Variants in DIAPH2 observed in about 807,000 individuals in gnomAD.
The protein encoded by DIAPH2 is protein diaphanous homolog 2.
A neutral mutation model predicts 92.7 loss-of-function variants in DIAPH2; 35 were observed. The ratio of observed to expected loss-of-function variants is 0.38; its 90% confidence interval spans 0.29 to 0.50. DIAPH2 has a LOEUF of 0.50. Ranked by LOEUF, DIAPH2 falls within the 20% of genes least tolerant of loss-of-function variation. The probability of loss-of-function intolerance (pLI) is 0.94; values close to 1 mark genes in which losing one functional copy is unlikely to be tolerated. For synonymous variants in DIAPH2, 301 were observed against 280.4 expected, an observed-to-expected ratio of 1.07 and a Z score of -0.73; for missense variants, 701 against 819.5, an observed-to-expected ratio of 0.86 and a Z score of 1.77.
At chrX:97,076,358 C>T (rs1313618955) in intron 19 of DIAPH2, among the ~76,000 whole-genome samples, 1 of 110,614 alleles carries the variant, frequency 9.0e-6, no homozygotes, top group East Asian at 2.9e-4. Context: ...GGTGAAACCC[C>T]GTCTCTACTC....
At chrX:97,358,160 C>A (rs1263485814) in intron 24 of DIAPH2, among the ~76,000 whole-genome samples, 1 of 112,068 alleles carries the variant, frequency 8.9e-6, no homozygotes, top group Non-Finnish European at 1.9e-5. Flanking sequence ...CTTCTTATGA[C>A]TGACAGTTGT....
chrX:96,873,679 CAT>C (rs1205098935), intron 4 of DIAPH2, among the ~76,000 whole-genome samples: 43 of 95,426 alleles, frequency 4.5e-4, no homozygotes, highest in African/African-American at 1.2e-3. Flanking sequence ...CACACACACA[CAT>C]ATAAAAATAT....
At chrX:96,972,026 A>G (rs1306485600) in intron 17 of DIAPH2, among the ~76,000 whole-genome samples, 3 of 111,728 alleles carry the variant, frequency 2.7e-5, no homozygotes, top group Non-Finnish European at 5.6e-5. Flanking sequence ...GTCTGCTTTC[A>G]TGAAACTTAA....
intron 17 of DIAPH2, among the ~76,000 whole-genome samples, chrX:96,968,372 C>T (rs2065906951): frequency 9.1e-6 from 1 of 110,325 alleles, no homozygotes; most frequent in Non-Finnish European, 1.9e-5. Flanking sequence ...GTGCCCGCCA[C>T]CATGCCCAGC....
chrX:96,768,603 A>C (rs1022582522), intron 4 of DIAPH2, among the ~76,000 whole-genome samples: 1 of 111,863 alleles, frequency 8.9e-6, no homozygotes, highest in Non-Finnish European at 1.9e-5. Context: ...GTGGTATTTT[A>C]GATAGGCGAG....
chrX:97,321,795 C>T (rs981453421), intron 23 of DIAPH2, among the ~76,000 whole-genome samples: 17 of 110,567 alleles, frequency 1.5e-4, no homozygotes, highest in African/African-American at 3.6e-4. Context: ...ATGATCCGCC[C>T]GCCTCGGCCT....
intron 22 of DIAPH2, among the ~76,000 whole-genome samples, chrX:97,207,514 T>G: frequency 9.0e-6 from 1 of 111,682 alleles, no homozygotes; most frequent in East Asian, 2.8e-4. Context: ...ATTTAATCTT[T>G]ACCAGAACCT....
intron 1 of DIAPH2, among the ~76,000 whole-genome samples, chrX:96,708,540 C>T (rs1476028926): frequency 3.6e-5 from 4 of 111,554 alleles, no homozygotes; most frequent in Non-Finnish European, 5.7e-5. Flanking sequence ...GTGCCCGTCC[C>T]CCACCCCCTG....
In DIAPH2 at chrX:96,989,198, C is replaced by G. The variant is rs921485135; in HGVS notation, c.2050+23991C>G. 2.7e-5 allele frequency among the ~76,000 whole-genome samples: 3 copies of G among 111,772 alleles called. No individual in the cohort carries two copies. In the Admixed American group the frequency reaches 2.9e-4, roughly 11 times the overall value. On this transcript the variant is annotated intron_variant, in intron 17 of 26. Coordinates refer to ENST00000324765, the MANE Select transcript of DIAPH2 (RefSeq NM_006729.5). ...TTAGCATTTATTAATTATTGACAAA[C>G]TGCCAAAATGGATCATACATATGTT...
At chrX:96,896,353 T>C (rs1286250425) in intron 5 of DIAPH2, among the ~76,000 whole-genome samples, 1 of 111,855 alleles carries the variant, frequency 8.9e-6, no homozygotes, top group East Asian at 2.8e-4. Context: ...ATTAATGATT[T>C]TTATGTTGTT....
chrX:97,332,595 TAAGTG>T (rs2069011166), intron 23 of DIAPH2, among the ~76,000 whole-genome samples: 1 of 111,387 alleles, frequency 9.0e-6, no homozygotes, highest in East Asian at 2.8e-4. Context: ...CATTTGAAAA[TAAGTG>T]TAGGAAAAAT....
chrX:97,112,771 T>C (rs1203338455), intron 20 of DIAPH2, among the ~76,000 whole-genome samples: 12 of 63,364 alleles, frequency 1.9e-4, no homozygotes, highest in African/African-American at 6.2e-4. Context: ...CTTTCTTTTT[T>C]TTTTTTTTTT....
chrX:97,253,703 T>C (rs753527077), intron 23 of DIAPH2, among the ~76,000 whole-genome samples: 64 of 111,356 alleles, frequency 5.7e-4, no homozygotes, highest in African/African-American at 2.0e-3. Flanking sequence ...TGAGCCGAGA[T>C]TGTGCCACTG....
intron 26 of DIAPH2, among the ~76,000 whole-genome samples, chrX:97,538,969 T>C (rs1410732701): frequency 8.9e-6 from 1 of 112,261 alleles, no homozygotes; most frequent in Non-Finnish European, 1.9e-5. Context: ...CTGTCTTTAG[T>C]TTTTGTTTTT....
intron 22 of DIAPH2, among the ~76,000 whole-genome samples, chrX:97,222,041 A>G (rs1433776816): frequency 9.0e-6 from 1 of 111,625 alleles, no homozygotes; most frequent in African/African-American, 3.3e-5. Context: ...CAAAGTGTTA[A>G]TTGTATTTCT....
intron 26 of DIAPH2, among the ~76,000 whole-genome samples, chrX:97,510,391 T>G (rs1458287519): frequency 8.9e-6 from 1 of 111,868 alleles, no homozygotes; most frequent in African/African-American, 3.3e-5. Context: ...TTGAGTTCAT[T>G]GTAGATTCTG....
chrX:97,227,632 C>CAAGTCTTACAAAGTCAAAGTTGCAT (rs1217063695), intron 22 of DIAPH2, among the ~76,000 whole-genome samples: 3 of 111,612 alleles, frequency 2.7e-5, no homozygotes, highest in Non-Finnish European at 3.8e-5. Context: ...TAGTTTATTC[C>CAAGTCTTACAAAGTCAAAGTTGCAT]AAGTCTTACA....
chrX:97,512,301 G>T (rs1394272436), intron 26 of DIAPH2, among the ~76,000 whole-genome samples: 2 of 113,359 alleles, frequency 1.8e-5, no homozygotes, highest in African/African-American at 6.5e-5. Context: ...TTGCGTAGAG[G>T]TGTTTGTAGT....
chrX:97,601,365 T>G lies in DIAPH2; in HGVS notation c.*2048T>G, dbSNP rs895925026. 2 of 110,969 alleles carry G rather than the reference T, an allele frequency of 1.8e-5. No individual in the cohort carries two copies. The highest frequency in any genetic ancestry group is 6.5e-5 in the African/African-American group (2 of 30,638). 9.1% of individuals were successfully genotyped at this position (110,969 alleles called of 1,213,427 possible). ...CAAACTTGCCTTATTTTCTAGTTTG[T>G]GAACAAGAACGAATGAAGTACTATT... On this transcript the variant is annotated 3_prime_UTR_variant, in exon 27 of 27. Coordinates refer to ENST00000324765, the MANE Select transcript of DIAPH2 (RefSeq NM_006729.5).
Sources: gnomAD v4.1 joint callset for allele counts (sites outside exome capture counted in the v4.1 genomes callset) on GRCh38, gnomAD v4.1.1 for gene constraint, MANE v1.5 for transcripts, NCBI Gene and HGNC (gene_info 2026-07-23, HGNC 2026-07-21) for gene names.